The following CNTNAP1 variants were observed in gnomAD, a reference collection of about 807,000 sequenced individuals.
CNTNAP1 encodes contactin-associated protein 1.
CNTNAP1 carries 80 observed loss-of-function variants against 161.5 expected under a neutral mutation model. That is an observed-to-expected ratio of 0.50 (90% CI 0.41 to 0.60). The LOEUF (loss-of-function observed/expected upper bound fraction) is 0.60. Ranked by LOEUF, CNTNAP1 falls within the 20% of genes least tolerant of loss-of-function variation. The pLI, the probability that CNTNAP1 is intolerant of heterozygous loss-of-function variation, is 0.00. For missense variants in CNTNAP1, 1,464 were observed against 1,854.8 expected (o/e 0.79, Z 3.87); for synonymous variants, 695 against 733.1 (o/e 0.95, Z 0.84).
rs1046174126 is a variant in CNTNAP1 at position 42,689,836 on chromosome 17, G to A, written c.1735+209G>A. The A allele has an allele frequency of 1.8e-4, 105 of 582,660 alleles. 1 individual carries two copies. The highest frequency in any genetic ancestry group is 2.8e-4 in the Non-Finnish European group (91 of 329,618). 36.1% of individuals were successfully genotyped at this position (582,660 alleles called of 1,614,324 possible). A position where few individuals can be genotyped will look rare whatever the true frequency, so the allele number is the denominator to read the frequency against. ...GCTCGCTGCAACCTCTGCCTCCTGG[G>A]TTCAAGCGATTCTCCTGCCTCAGCC... On this transcript the variant is annotated intron_variant, in intron 11 of 23. Transcript: ENST00000264638.
In CNTNAP1 at chr17:42,685,959, A is replaced by C; in HGVS notation, c.718A>C (p.Ser240Arg). 1 of 1,614,050 alleles carries C rather than the reference A, an allele frequency of 6.2e-7. No individual in the cohort carries two copies. The highest frequency in any genetic ancestry group is 8.5e-7 in the Non-Finnish European group (1 of 1,179,972). Residue 240 changes from serine (S) to arginine (R), a missense_variant and splice_region_variant, in exon 6 of 24, where the codon AGC becomes CGC. Ser to Arg is a moderately radical substitution (Grantham distance 110). This residue lies in a region of CNTNAP1 where 1,383 missense variants were observed against 1,765.0 expected (regional missense o/e 0.78). Transcript: ENST00000264638. This position sits in a 1 kb window ranked among gnomAD's most constrained non-coding sequence, Gnocchi z 5.0. ...AHLLLHMSLG[S>R]SPIQPRPGHT... Reference sequence around the variant, plus strand: ...ACTCTGTCCTGCCCCACCCTCAGGCAGCAGCCCTATCCAGCCAAGACCAGG... The same window carrying C: ...ACTCTGTCCTGCCCCACCCTCAGGCCGCAGCCCTATCCAGCCAAGACCAGG...
At chr17:42,696,596 T>C (rs2053155674) in intron 20 of CNTNAP1, among the ~76,000 whole-genome samples, 1 of 152,162 alleles carries the variant, frequency 6.6e-6, no homozygotes, top group South Asian at 2.1e-4. Context: ...GTGCTGGGAT[T>C]ATAAGCGTGA....
intron 20 of CNTNAP1, 129 bp downstream of exon 20, chr17:42,696,281 C>A: frequency 8.5e-7 from 1 of 1,179,822 alleles, no homozygotes; most frequent in Non-Finnish European, 1.2e-6. Context: ...TCACGTGTGT[C>A]ACCTCATGTA....
chr17:42,685,045 C>T lies in CNTNAP1; in HGVS notation c.418C>T (p.His140Tyr), dbSNP rs753616521. 5.7e-6 allele frequency: 9 copies of T among 1,590,006 alleles called. No homozygotes were observed. Among genetic ancestry groups the T allele is most frequent in the African/African-American group, 1.4e-5 (1 of 73,844 alleles). Residue 140 changes from histidine (H) to tyrosine (Y), a missense_variant, in exon 4 of 24, where the codon CAC becomes TAC. His to Tyr is a moderately conservative substitution (Grantham distance 83). This residue lies in a region of CNTNAP1 where 1,383 missense variants were observed against 1,765.0 expected (regional missense o/e 0.78). Transcript: ENST00000264638. This position sits in a 1 kb window ranked among gnomAD's most constrained non-coding sequence, Gnocchi z 5.0. Reference protein sequence around the residue: ...SAVVRHDLHFHFTARYIRIVP... With the variant: ...SAVVRHDLHFYFTARYIRIVP... Reference sequence around the variant, plus strand: ...GGTGGTGCGCCATGACCTGCACTTCCACTTCACTGCGCGCTACATCCGCAT... The same window carrying T: ...GGTGGTGCGCCATGACCTGCACTTCTACTTCACTGCGCGCTACATCCGCAT...
At chr17:42,683,677 GA>G in intron 1 of CNTNAP1, 143 bp from the exon 2 acceptor site, 1 of 1,446,586 alleles carries the variant, frequency 6.9e-7, no homozygotes, top group Non-Finnish European at 9.0e-7. Context: ...GGATTGAATA[GA>G]TGGCTTTAAG....
intron 1 of CNTNAP1, chr17:42,683,478 T>A (rs907595411): frequency 8.8e-7 from 1 of 1,139,364 alleles, no homozygotes; most frequent in African/African-American, 1.6e-5. Flanking sequence ...TGGAGCTGGA[T>A]TGGTGTCTTG....
rs1399703060 is a variant in CNTNAP1 at position 42,690,041 on chromosome 17, G to A, written c.1736-47G>A. 4 of 1,600,098 alleles carry A rather than the reference G, an allele frequency of 2.5e-6. No homozygotes were observed. In the East Asian group the frequency reaches 9.1e-5, roughly 36 times the overall value. On this transcript the variant is annotated intron_variant, in intron 11 of 23. Transcript: ENST00000264638. ...AGGCCCGAGCCGCCGCACCTGGCCAGCCCTCTAACTCTCTAACTGCCTTTG... is the reference window on the plus strand; with the variant it reads ...AGGCCCGAGCCGCCGCACCTGGCCAACCCTCTAACTCTCTAACTGCCTTTG...
chr17:42,693,094 C>T (rs533544230), intron 17 of CNTNAP1, among the ~76,000 whole-genome samples: 1 of 151,986 alleles, frequency 6.6e-6, no homozygotes, highest in South Asian at 2.1e-4. Context: ...GTAGCTGGGA[C>T]TACAGGCGCC....
At position 42,690,751 on chromosome 17, in the gene CNTNAP1, G is replaced by A; in HGVS notation, c.1868G>A (p.Trp623Ter). 2 of 1,614,124 alleles carry A rather than the reference G, an allele frequency of 1.2e-6. No homozygotes were observed. The highest frequency in any genetic ancestry group is 1.7e-6 in the Non-Finnish European group (2 of 1,180,004). The change falls in exon 13 of 24, where the codon TGG (tryptophan) becomes TAG (stop). Residue 623 changes from tryptophan to a stop codon, truncating the protein, a stop_gained. Coordinates refer to ENST00000264638, the MANE Select transcript of CNTNAP1 (RefSeq NM_003632.3). LOFTEE classifies it high-confidence loss of function. ...TCTTGTCTGCCAGAGAACCGAGCGT[G>A]GACAGTTGTGCGGCATGACAGGCTG... Reference protein sequence around the residue: ...VYCDIRENRAWTVVRHDRLWT... With the variant: ...VYCDIRENRA
Position 42,682,580 on chromosome 17 carries a change from A to C in CNTNAP1, c.-250A>C. 1.9e-6 allele frequency: 1 copy of C among 525,580 alleles called. No homozygotes were observed. The allele number at this position is 525,580 out of a possible 1,614,324, so 32.6% of individuals were successfully genotyped here. On this transcript the variant is annotated 5_prime_UTR_variant, in exon 1 of 24. Coordinates refer to ENST00000264638, the MANE Select transcript of CNTNAP1 (RefSeq NM_003632.3). ...GAGGCTGGGGAAGGGGGGAGGTGAG[A>C]GGAAAGAGGGTGGAAAGGAGAGGAT...
Position 42,692,619 on chromosome 17 carries a change from T to G in CNTNAP1, c.2651T>G (p.Val884Gly). The G allele has an allele frequency of 6.2e-7, 1 of 1,614,216 alleles. No individual in the cohort carries two copies. The highest frequency in any genetic ancestry group is 8.5e-7 in the Non-Finnish European group (1 of 1,180,040). The part of the protein sequence containing the change: ...EWHLVRAEIN[V>G]KQARLRVDHR... ...CACCTGGTCCGGGCTGAAATCAACG[T>G]GAAGCAGGCCCGGCTCCGAGTGGAT... Residue 884 changes from valine to glycine, a missense_variant, in exon 17 of 24, where the codon GTG becomes GGG. Val to Gly is a moderately radical substitution (Grantham distance 109). Transcript: ENST00000264638.
chr17:42,691,125 C>T lies in CNTNAP1; in HGVS notation c.2060-12C>T, dbSNP rs1476276775. ...GGACAGGGCCTGGAAGCTGCCTGCA[C>T]CTCTTCCCCAGGAGGCTACCCCTAC... is the stretch of plus-strand genomic sequence containing the variant. On this transcript the variant is annotated splice_polypyrimidine_tract_variant and intron_variant, in intron 13 of 23. Coordinates refer to ENST00000264638, the MANE Select transcript of CNTNAP1 (RefSeq NM_003632.3). This position sits in a 1 kb window ranked among gnomAD's most constrained non-coding sequence, Gnocchi z 4.3. 8 of 1,613,048 alleles carry T rather than the reference C, an allele frequency of 5.0e-6. No individual in the cohort carries two copies. Among genetic ancestry groups the T allele is most frequent in the Admixed American group, 1.7e-5 (1 of 59,978 alleles).
At position 42,696,022 on chromosome 17, in the gene CNTNAP1, C is replaced by A. The variant is rs1243290671; in HGVS notation, c.3347-3C>A. ...CCCCAAATTTCTTCTCCCCACCCCACAGGGACCCTTCAGCTGCGATATCAG... is the reference window on the plus strand; with the variant it reads ...CCCCAAATTTCTTCTCCCCACCCCAAAGGGACCCTTCAGCTGCGATATCAG... On this transcript the variant is annotated splice_polypyrimidine_tract_variant and splice_region_variant and intron_variant, in intron 19 of 23. Transcript: ENST00000264638. 1.2e-6 allele frequency: 2 copies of A among 1,614,068 alleles called. No individual in the cohort carries two copies. Among genetic ancestry groups the A allele is most frequent in the Non-Finnish European group, 8.5e-7 (1 of 1,179,966 alleles).
At chr17:42,693,847 C>A (rs1452497401) in intron 18 of CNTNAP1, among the ~76,000 whole-genome samples, 3 of 152,054 alleles carry the variant, frequency 2.0e-5, no homozygotes, top group Non-Finnish European at 2.9e-5. Flanking sequence ...CATGGCAAGA[C>A]CCTGTCTCTA....
In CNTNAP1 at chr17:42,697,551, C is replaced by G; in HGVS notation, c.3569-3C>G. Reference sequence around the variant, plus strand: ...CCTCTTTCTGGGCCTGCCTCTCTCTCAGAGACAGGAGTCATTGACCCGGAG... The same window carrying G: ...CCTCTTTCTGGGCCTGCCTCTCTCTGAGAGACAGGAGTCATTGACCCGGAG... On this transcript the variant is annotated splice_polypyrimidine_tract_variant and splice_region_variant and intron_variant, in intron 21 of 23. Transcript: ENST00000264638. 2.5e-6 allele frequency: 4 copies of G among 1,613,936 alleles called. No homozygotes were observed. Among genetic ancestry groups the G allele is most frequent in the Non-Finnish European group, 3.4e-6 (4 of 1,179,926 alleles).
rs762022701 is a variant in CNTNAP1, at chr17:42,698,646, G to T, written c.3891G>T (p.Leu1297=). 6 of 1,601,232 alleles carry T rather than the reference G, an allele frequency of 3.7e-6. No individual in the cohort carries two copies. Among genetic ancestry groups the T allele is most frequent in the South Asian group, 1.1e-5 (1 of 90,432 alleles). ...GFLVAFLLLG[L]VGMLVLFYLQ... is the part of the protein sequence containing the mutation. Reference sequence around the variant, plus strand: ...TGGTGGCCTTTCTGCTGCTGGGGCTGGTGGGAATGTTGGTGCTCTTCTATC... The same window carrying T: ...TGGTGGCCTTTCTGCTGCTGGGGCTTGTGGGAATGTTGGTGCTCTTCTATC... The change falls in exon 24 of 24, where the codon CTG becomes CTT. Residue 1297 remains leucine, a synonymous_variant. Transcript: ENST00000264638.
intron 20 of CNTNAP1, 120 bp downstream of exon 20, chr17:42,696,272 C>T: frequency 7.8e-7 from 1 of 1,275,538 alleles, no homozygotes. Context: ...AGAGGATTTT[C>T]ACGTGTGTCA....
At chr17:42,683,079 C>T (rs766491409) in intron 1 of CNTNAP1, 183 bp downstream of exon 1, 5 of 651,052 alleles carry the variant, frequency 7.7e-6, no homozygotes, top group Non-Finnish European at 1.3e-5. Flanking sequence ...CTGCCGCGCG[C>T]GCCCGGGGCT....
In CNTNAP1 at chr17:42,685,134, A is replaced by T. The variant is rs374560939; in HGVS notation, c.507A>T (p.Pro169=). 2.2e-5 allele frequency: 35 copies of T among 1,592,424 alleles called. No individual in the cohort carries two copies. The African/African-American group carries it at 4.4e-4, about 20-fold the overall frequency. Residue 169 remains proline, a synonymous_variant, in exon 4 of 24, where the codon CCA becomes CCT. Transcript: ENST00000264638. This position sits in a 1 kb window ranked among gnomAD's most constrained non-coding sequence, Gnocchi z 5.0. ...TGAGGCTCGGCCTCTATGGCTGCCCATACAGTAAGTGTGCAGAGAGCGCGG... is the reference window on the plus strand; with the variant it reads ...TGAGGCTCGGCCTCTATGGCTGCCCTTACAGTAAGTGTGCAGAGAGCGCGG... ...IGLRLGLYGC[P]YKADILYFDG... is the part of the protein sequence containing the mutation.
Sources: gnomAD v4.1 joint callset for allele counts (sites outside exome capture counted in the v4.1 genomes callset) on GRCh38, gnomAD v4.1.1 for gene constraint, gnomAD v4.1.1 regional missense constraint, Gnocchi (gnomAD v3.1) non-coding constraint, MANE v1.5 for transcripts, NCBI Gene and HGNC (gene_info 2026-07-23, HGNC 2026-07-21) for gene names.